KIAA1328: variants seen among roughly 807,000 people sequenced by gnomAD.
KIAA1328 encodes the protein protein hinderin.
A neutral mutation model predicts 68.1 loss-of-function variants in KIAA1328; 52 were observed. The ratio of observed to expected loss-of-function variants is 0.76; its 90% CI spans 0.61 to 0.96. KIAA1328 has a LOEUF of 0.96. KIAA1328 is among the 40% of genes least tolerant of loss of function. The pLI is 0.00. For missense variants in KIAA1328, 641 were observed against 677.6 expected, an observed-to-expected ratio of 0.95 and a Z score of 0.60; for synonymous variants, 232 against 239.4, an observed-to-expected ratio of 0.97 and a Z score of 0.28.
chr18:37,180,835 G>A (rs1277562890), intron 9 of KIAA1328, among the ~76,000 whole-genome samples: 4 of 152,018 alleles, frequency 2.6e-5, no homozygotes, highest in Admixed American at 6.6e-5. Context: ...ACCTTGCTGC[G>A]TGTATATAAT....
chr18:37,164,229 A>C (rs1459477822), intron 8 of KIAA1328, among the ~76,000 whole-genome samples: 1 of 152,222 alleles, frequency 6.6e-6, no homozygotes, highest in African/African-American at 2.4e-5. Flanking sequence ...GTAGGTACTC[A>C]TTAAACATTT....
chr18:37,045,925 A>G (rs150402373), intron 6 of KIAA1328, among the ~76,000 whole-genome samples: 2 of 152,358 alleles, frequency 1.3e-5, no homozygotes, highest in Admixed American at 6.5e-5. Context: ...ACTGTTGCTC[A>G]TATCAGGTGG....
At chr18:37,162,312 T>C (rs2059298605) in intron 8 of KIAA1328, among the ~76,000 whole-genome samples, 1 of 152,162 alleles carries the variant, frequency 6.6e-6, no homozygotes, top group African/African-American at 2.4e-5. Flanking sequence ...TTCATCTTTT[T>C]AAGAGTTTTT....
At chr18:37,219,318 C>T (rs1251767564) in intron 9 of KIAA1328, among the ~76,000 whole-genome samples, 2 of 152,240 alleles carry the variant, frequency 1.3e-5, no homozygotes, top group Non-Finnish European at 2.9e-5. Context: ...TCTGTCCGTT[C>T]TCAGAGGTCA....
intron 5 of KIAA1328, among the ~76,000 whole-genome samples, chr18:36,907,877 G>A (rs2049280683): frequency 6.6e-6 from 1 of 152,076 alleles, no homozygotes; most frequent in African/African-American, 2.4e-5. Context: ...TCTGAGCCTG[G>A]AGTGAGTTTT....
intron 6 of KIAA1328, among the ~76,000 whole-genome samples, chr18:36,975,036 A>G (rs930943407): frequency 2.6e-5 from 4 of 152,202 alleles, no homozygotes; most frequent in East Asian, 1.9e-4. Flanking sequence ...TAGTATCACC[A>G]TGCTGAGATA....
At chr18:37,116,974 A>C (rs969247472) in intron 7 of KIAA1328, among the ~76,000 whole-genome samples, 31 of 152,198 alleles carry the variant, frequency 2.0e-4, no homozygotes, top group African/African-American at 7.0e-4. Flanking sequence ...CCATCTCACA[A>C]CAGTTAGAAT....
In KIAA1328 at chr18:37,146,853, C is replaced by T. The variant is rs1255179695; in HGVS notation, c.1233-13347C>T. Among the ~76,000 whole-genome samples, 4 of 152,150 alleles carry T rather than the reference C, an allele frequency of 2.6e-5. No homozygotes were observed. In the East Asian group the frequency reaches 7.7e-4, roughly 29 times the overall value. Reference sequence around the variant, plus strand: ...GACATTATTGTCATATACATTAGATCTTAATACTCCAAATCTCATGTTGAA... The same window carrying T: ...GACATTATTGTCATATACATTAGATTTTAATACTCCAAATCTCATGTTGAA... On this transcript the variant is annotated intron_variant, in intron 7 of 9. Transcript: ENST00000280020.
chr18:37,123,554 A>G (rs1268916678), intron 7 of KIAA1328, among the ~76,000 whole-genome samples: 1 of 152,190 alleles, frequency 6.6e-6, no homozygotes, highest in East Asian at 1.9e-4. Context: ...GATGGACATA[A>G]GAGAGTTTCA....
At chr18:36,982,244 A>G (rs1309072511) in intron 6 of KIAA1328, among the ~76,000 whole-genome samples, 1 of 149,766 alleles carries the variant, frequency 6.7e-6, no homozygotes, top group Non-Finnish European at 1.5e-5. Flanking sequence ...AAAATTTTCC[A>G]AAGTGATGAA....
rs542423668 is a variant in KIAA1328, at chr18:37,015,639, T to C, written c.577-51251T>C. ...ATTCTTCTAATCCATGAGCATGGAATGTTTTTTCATTTGTTTGTGTCACTT... is the reference window on the plus strand; with the variant it reads ...ATTCTTCTAATCCATGAGCATGGAACGTTTTTTCATTTGTTTGTGTCACTT... On this transcript the variant is annotated intron_variant, in intron 6 of 9. Coordinates refer to ENST00000280020, the MANE Select transcript of KIAA1328 (RefSeq NM_020776.3). 3.3e-5 allele frequency among the ~76,000 whole-genome samples: 5 copies of C among 152,298 alleles called. No homozygotes were observed. The East Asian group carries it at 9.7e-4, about 29-fold the overall frequency.
rs770771022 is a variant in KIAA1328, at chr18:36,844,274, A to G, written c.304A>G (p.Ile102Val). ...TTTATGTCTTGAAGACAAAAGACGC[A>G]TTGCAAACTTAATTAAAGAACTGGC... ...KDLCLEDKRRIANLIKELARV... is the reference protein window; with the variant it reads ...KDLCLEDKRRVANLIKELARV... Residue 102 changes from isoleucine to valine, a missense_variant, in exon 4 of 10, where the codon ATT (isoleucine) becomes GTT (valine). Coordinates refer to ENST00000280020, the MANE Select transcript of KIAA1328 (RefSeq NM_020776.3). 19 of 1,605,570 alleles carry G rather than the reference A, an allele frequency of 1.2e-5. No individual in the cohort carries two copies. Among genetic ancestry groups the G allele is most frequent in the Admixed American group, 6.8e-5 (4 of 59,164 alleles).
chr18:36,960,463 A>G (rs2051613939), intron 6 of KIAA1328, among the ~76,000 whole-genome samples: 1 of 152,234 alleles, frequency 6.6e-6, no homozygotes, highest in African/African-American at 2.4e-5. Context: ...TGGTTCTCCC[A>G]GCATGGCGTT....
At chr18:37,133,544 G>A (rs954682297) in intron 7 of KIAA1328, among the ~76,000 whole-genome samples, 1 of 47,154 alleles carries the variant, frequency 2.1e-5, no homozygotes, top group Admixed American at 2.2e-4. Context: ...TTTTTTTTTT[G>A]AGACGGAGTC....
chr18:36,910,752 T>G (rs923985385), intron 5 of KIAA1328, among the ~76,000 whole-genome samples: 3 of 152,202 alleles, frequency 2.0e-5, no homozygotes, highest in African/African-American at 7.2e-5. Context: ...TTCCTATCCA[T>G]GAGCATGGAA....
chr18:37,191,735 C>T (rs763726593), intron 9 of KIAA1328, among the ~76,000 whole-genome samples: 1 of 152,158 alleles, frequency 6.6e-6, no homozygotes, highest in Non-Finnish European at 1.5e-5. Flanking sequence ...ACTGTATTAA[C>T]CCAAACGTAC....
intron 5 of KIAA1328, among the ~76,000 whole-genome samples, chr18:36,949,302 T>C (rs1371712973): frequency 6.6e-6 from 1 of 152,198 alleles, no homozygotes; most frequent in African/African-American, 2.4e-5. Context: ...TTAATAGAAA[T>C]GTTTTCTCAA....
chr18:36,919,841 ATAT>A (rs1437696866), intron 5 of KIAA1328, among the ~76,000 whole-genome samples: 1 of 152,094 alleles, frequency 6.6e-6, no homozygotes, highest in Non-Finnish European at 1.5e-5. Context: ...TTTTTAAAAT[ATAT>A]TTGTTGGCTG....
At chr18:37,001,178 T>G (rs559570391) in intron 6 of KIAA1328, among the ~76,000 whole-genome samples, 1 of 151,716 alleles carries the variant, frequency 6.6e-6, no homozygotes, top group East Asian at 1.9e-4. Flanking sequence ...AAGCCAGAAA[T>G]GAAAAATGAG....
Sources: gnomAD v4.1 joint callset for allele counts (sites outside exome capture counted in the v4.1 genomes callset) on GRCh38, gnomAD v4.1.1 for gene constraint, MANE v1.5 for transcripts, NCBI Gene and HGNC (gene_info 2026-07-23, HGNC 2026-07-21) for gene names.